The following SUGCT variants were observed in gnomAD, a reference collection of about 807,000 sequenced individuals.
SUGCT encodes succinyl-CoA:glutarate CoA-transferase.
A neutral mutation model predicts 55.0 loss-of-function variants in SUGCT; 41 were observed. The ratio of observed to expected loss-of-function variants is 0.74; its 90% CI spans 0.58 to 0.97. SUGCT has a LOEUF of 0.97. SUGCT is among the 50% of genes least tolerant of loss of function. The pLI is 0.00. For synonymous variants in SUGCT, 187 were observed against 200.4 expected, an observed-to-expected ratio of 0.93 and a Z score of 0.56; for missense variants, 568 against 547.8, an observed-to-expected ratio of 1.04 and a Z score of -0.37.
At chr7:40,523,740 C>G (rs1304685922) in intron 12 of SUGCT, among the ~76,000 whole-genome samples, 2 of 152,076 alleles carry the variant, frequency 1.3e-5, no homozygotes, top group Non-Finnish European at 2.9e-5. Context: ...AGGAGAAAAT[C>G]ATTATCAAGA....
At chr7:40,936,438 G>T in the SUGCT span, among the ~76,000 whole-genome samples, 1 of 151,636 alleles carries the variant, frequency 6.6e-6, no homozygotes, top group Non-Finnish European at 1.5e-5. Context: ...TATTAATAAT[G>T]TTCCCTCTTT....
intron 7 of SUGCT, among the ~76,000 whole-genome samples, chr7:40,260,150 T>G (rs1157128358): frequency 6.6e-6 from 1 of 152,226 alleles, no homozygotes; most frequent in Non-Finnish European, 1.5e-5. Context: ...GTGCAGGACT[T>G]CTATCCATCC....
intron 13 of SUGCT, among the ~76,000 whole-genome samples, chr7:40,807,864 G>A (rs578050039): frequency 6.6e-6 from 1 of 152,344 alleles, no homozygotes; most frequent in East Asian, 1.9e-4. Flanking sequence ...ATGTTTGAGA[G>A]CAAGAAGCAT....
At chr7:40,369,319 A>T (rs1784168718) in intron 9 of SUGCT, among the ~76,000 whole-genome samples, 1 of 152,068 alleles carries the variant, frequency 6.6e-6, no homozygotes, top group Non-Finnish European at 1.5e-5. Context: ...ATTATTAGAG[A>T]TTTCTCTGGC....
At chr7:40,625,796 T>C (rs191343502) in intron 12 of SUGCT, among the ~76,000 whole-genome samples, 1 of 152,276 alleles carries the variant, frequency 6.6e-6, no homozygotes, top group Admixed American at 6.5e-5. Context: ...CATCAGAAGC[T>C]AACTTAAACC....
intron 13 of SUGCT, among the ~76,000 whole-genome samples, chr7:40,749,930 A>G (rs1008982884): frequency 6.6e-6 from 1 of 152,208 alleles, no homozygotes; most frequent in Non-Finnish European, 1.5e-5. Flanking sequence ...ATTTTCTTTC[A>G]GAACCGTGGT....
chr7:40,891,255 A>G, the SUGCT span, among the ~76,000 whole-genome samples: 5 of 152,342 alleles, frequency 3.3e-5, 1 homozygote, highest in South Asian at 1.0e-3. Flanking sequence ...AATTAATAAC[A>G]GAAAACTTCT....
At chr7:40,835,344 G>A (rs1652924485) in intron 13 of SUGCT, among the ~76,000 whole-genome samples, 1 of 152,276 alleles carries the variant, frequency 6.6e-6, no homozygotes, top group Non-Finnish European at 1.5e-5. Context: ...ACTAGATGTG[G>A]ACTGTTTTTT....
chr7:40,168,917 G>T (rs1358314842), intron 1 of SUGCT, among the ~76,000 whole-genome samples: 1 of 152,032 alleles, frequency 6.6e-6, no homozygotes, highest in East Asian at 1.9e-4. Context: ...TTCGGTATCT[G>T]CTTGGTGGTT....
At chr7:41,009,490 A>G in the SUGCT span, among the ~76,000 whole-genome samples, 2 of 152,056 alleles carry the variant, frequency 1.3e-5, no homozygotes, top group Non-Finnish European at 2.9e-5. Context: ...GGGTCCATCT[A>G]TGTATCCATC....
chr7:40,470,747 GTCTCTCTCTCTC>G (rs34012862), intron 11 of SUGCT, among the ~76,000 whole-genome samples: 1 of 146,286 alleles, frequency 6.8e-6, no homozygotes, highest in Non-Finnish European at 1.5e-5. Flanking sequence ...TAAGTGAACA[GTCTCTCTCTCTC>G]TCTCTCTCTC....
At chr7:40,858,499 G>C (rs1794312777) in intron 13 of SUGCT, among the ~76,000 whole-genome samples, 1 of 151,628 alleles carries the variant, frequency 6.6e-6, no homozygotes, top group South Asian at 2.1e-4. Flanking sequence ...TTCAAGTGGA[G>C]TAAAGTCACA....
intron 11 of SUGCT, among the ~76,000 whole-genome samples, chr7:40,489,735 C>A (rs1369294610): frequency 6.6e-5 from 10 of 151,768 alleles, no homozygotes; most frequent in South Asian, 2.1e-4. Context: ...AAACAAAAAA[C>A]ACACACACAC....
intron 13 of SUGCT, among the ~76,000 whole-genome samples, chr7:40,841,175 A>G (rs1793261379): frequency 6.6e-6 from 1 of 151,944 alleles, no homozygotes; most frequent in African/African-American, 2.4e-5. Context: ...TTCCTAATAA[A>G]CAAAATAAAA....
intron 12 of SUGCT, among the ~76,000 whole-genome samples, chr7:40,610,307 A>G (rs1798713228): frequency 1.3e-5 from 2 of 152,230 alleles, no homozygotes; most frequent in Admixed American, 1.3e-4. Context: ...TCTATCTGCA[A>G]TCCCTTTAAC....
chr7:40,368,825 T>G (rs1784141532), intron 9 of SUGCT, among the ~76,000 whole-genome samples: 1 of 152,026 alleles, frequency 6.6e-6, no homozygotes, highest in African/African-American at 2.4e-5. Context: ...AACTTTTGGC[T>G]GGGTGTGGTG....
At chr7:40,831,627 C>T (rs983594458) in intron 13 of SUGCT, among the ~76,000 whole-genome samples, 10 of 152,160 alleles carry the variant, frequency 6.6e-5, no homozygotes, top group Non-Finnish European at 1.0e-4. Flanking sequence ...CTAAATACTC[C>T]CAGAATTATT....
chr7:40,928,515 T>G, the SUGCT span, among the ~76,000 whole-genome samples: 1 of 152,150 alleles, frequency 6.6e-6, no homozygotes, highest in African/African-American at 2.4e-5. Context: ...ATTCTATATT[T>G]GCAATTGCTT....
At chr7:40,223,039 TTCCA>T (rs1284293177) in intron 6 of SUGCT, among the ~76,000 whole-genome samples, 17 of 133,490 alleles carry the variant, frequency 1.3e-4, no homozygotes, top group East Asian at 2.3e-4. Context: ...CCTTCCTTCC[TTCCA>T]TCCATCCACC....
Sources: allele counts gnomAD v4.1 joint callset (sites outside exome capture counted in the v4.1 genomes callset), GRCh38; gene constraint gnomAD v4.1.1; transcripts MANE v1.5; gene names NCBI Gene and HGNC (gene_info 2026-07-23, HGNC 2026-07-21).